PCDHAC1: variants seen among roughly 807,000 people sequenced by gnomAD.
PCDHAC1 encodes the protein protocadherin alpha subfamily C, 1, also known as protocadherin alpha-C1.
A neutral mutation model predicts 60.0 loss-of-function variants in PCDHAC1; 42 were observed. The ratio of observed to expected loss-of-function variants is 0.70; its 90% CI spans 0.55 to 0.90. The LOEUF is 0.90. Among genes scored for constraint, PCDHAC1 ranks in the 40% least tolerant of loss-of-function variants. The pLI is 0.00. For synonymous variants in PCDHAC1, 468 were observed against 499.3 expected, an observed-to-expected ratio of 0.94 and a Z score of 0.84; for missense variants, 1,160 against 1,222.3, an observed-to-expected ratio of 0.95 and a Z score of 0.76.
intron 1 of PCDHAC1, chr5:140,967,457 G>A: frequency 6.2e-7 from 1 of 1,613,614 alleles, no homozygotes; most frequent in Non-Finnish European, 8.5e-7. Context: ...CACAGCCGTG[G>A]ATGGGGGCAT....
intron 1 of PCDHAC1, among the ~76,000 whole-genome samples, chr5:140,941,191 T>TTTCTTTCTTCCTTTCTTCCTTTC (rs1487503403): frequency 1.1e-5 from 1 of 93,258 alleles, no homozygotes; most frequent in African/African-American, 3.9e-5. Flanking sequence ...GCTTCTTTTT[T>TTTCTTTCTTCCTTTCTTCCTTTC]TTTCTTTCTT....
rs762916391 is a variant in PCDHAC1, at chr5:140,927,929, C to T, written c.1037C>T (p.Ser346Leu). 13 of 1,614,090 alleles carry T rather than the reference C, an allele frequency of 8.1e-6. No homozygotes were observed. The highest frequency in any genetic ancestry group is 5.0e-5 in the Admixed American group (3 of 60,008). ...CCCGAACTGGACTTCCTGACTCTTT[C>T]GAACCCAGTACCTGAGGACGCTGCC... Reference protein sequence around the residue: ...HAPELDFLTLSNPVPEDAAPG... With the variant: ...HAPELDFLTLLNPVPEDAAPG... The change falls in exon 1 of 4, where the codon TCG becomes TTG. Residue 346 changes from serine to leucine, a missense_variant. By Grantham distance (145) the Ser-to-Leu change is moderately radical. This residue lies in a region of PCDHAC1 where 1,113 missense variants were observed against 1,163.7 expected (regional missense o/e 0.96). Transcript: ENST00000253807.
intron 2 of PCDHAC1, among the ~76,000 whole-genome samples, chr5:140,981,149 G>T (rs2096919822): frequency 6.6e-6 from 1 of 152,202 alleles, no homozygotes; most frequent in South Asian, 2.1e-4. Flanking sequence ...AGAAAACATT[G>T]AACTTATATG....
At chr5:140,991,228 T>C (rs2097439456) in intron 3 of PCDHAC1, among the ~76,000 whole-genome samples, 1 of 152,220 alleles carries the variant, frequency 6.6e-6, no homozygotes, top group African/African-American at 2.4e-5. Flanking sequence ...CATTAATAAA[T>C]GCAGTGGTAA....
Position 140,928,846 on chromosome 5 carries a change from C to T in PCDHAC1, c.1954C>T (p.Leu652=). 1 of 1,614,192 alleles carries T rather than the reference C, an allele frequency of 6.2e-7. No homozygotes were observed. Among genetic ancestry groups the T allele is most frequent in the Non-Finnish European group, 8.5e-7 (1 of 1,180,042 alleles). ...CCCACCACTTTCCTCCTCTGTCACT[C>T]TGGGTGTGCTGTTGAGCAACTCTGT... The part of the protein sequence containing the change: ...GDPPLSSSVT[L]GVLLSNSVPQ... Residue 652 remains leucine, a synonymous_variant, in exon 1 of 4, where the codon CTG becomes TTG. Coordinates refer to ENST00000253807, the MANE Select transcript of PCDHAC1 (RefSeq NM_018898.5).
intron 3 of PCDHAC1, among the ~76,000 whole-genome samples, chr5:140,996,100 G>A (rs1554255000): frequency 1.3e-5 from 2 of 152,190 alleles, no homozygotes; most frequent in Non-Finnish European, 2.9e-5. Flanking sequence ...TACATGGAAT[G>A]GTATGGAAGT....
At position 141,010,692 on chromosome 5, in the gene PCDHAC1, G is replaced by A. The variant is rs1415098319; in HGVS notation, c.*755G>A. The A allele has an allele frequency of 1.9e-5, 3 of 159,998 alleles. No homozygotes were observed. The highest frequency in any genetic ancestry group is 7.2e-5 in the African/African-American group (3 of 41,584). 9.9% of individuals were successfully genotyped at this position (159,998 alleles called of 1,614,324 possible). On this transcript the variant is annotated 3_prime_UTR_variant, in exon 4 of 4. Coordinates refer to ENST00000253807, the MANE Select transcript of PCDHAC1 (RefSeq NM_018898.5). ...TGGGAAACAGAAGCAGATCTGATGT[G>A]TTTCCTATACATGTCCTGTGCTCAC...
intron 1 of PCDHAC1, among the ~76,000 whole-genome samples, chr5:140,939,804 G>A (rs2092463605): frequency 6.6e-6 from 1 of 152,140 alleles, no homozygotes; most frequent in Non-Finnish European, 1.5e-5. Flanking sequence ...TGTTCTGCAT[G>A]TTCAAGAAAA....
At chr5:140,985,062 T>C (rs2097134097) in intron 3 of PCDHAC1, among the ~76,000 whole-genome samples, 1 of 152,058 alleles carries the variant, frequency 6.6e-6, no homozygotes, top group African/African-American at 2.4e-5. Flanking sequence ...CTCAGCCTCC[T>C]GAGTAGCTGA....
intron 1 of PCDHAC1, among the ~76,000 whole-genome samples, chr5:140,951,315 C>T (rs782114634): frequency 6.6e-6 from 1 of 151,988 alleles, no homozygotes. Context: ...ATGTGTTATT[C>T]TTGAGATTCA....
chr5:140,983,059 C>G (rs1325414567), intron 3 of PCDHAC1, among the ~76,000 whole-genome samples: 1 of 151,980 alleles, frequency 6.6e-6, no homozygotes, highest in African/African-American at 2.4e-5. Flanking sequence ...TTATCGGAAC[C>G]AAGGCATTGT....
chr5:140,966,052 C>G (rs2095962967), intron 1 of PCDHAC1, among the ~76,000 whole-genome samples: 1 of 152,158 alleles, frequency 6.6e-6, no homozygotes, highest in Admixed American at 6.5e-5. Context: ...GCCAGTAACC[C>G]CAGAGCGCCT....
intron 1 of PCDHAC1, among the ~76,000 whole-genome samples, chr5:140,954,160 A>G (rs1231258623): frequency 6.6e-6 from 1 of 152,188 alleles, no homozygotes; most frequent in Non-Finnish European, 1.5e-5. Flanking sequence ...TATATGTACC[A>G]CATTTTCTTT....
intron 1 of PCDHAC1, chr5:140,967,360 G>A: frequency 1.2e-6 from 2 of 1,607,656 alleles, no homozygotes; most frequent in South Asian, 1.1e-5. Context: ...TGGACCTTAA[G>A]CCCCTGCAGG....
intron 2 of PCDHAC1, among the ~76,000 whole-genome samples, chr5:140,980,278 GAAAAGT>G (rs1267614144): frequency 6.6e-6 from 1 of 152,166 alleles, no homozygotes; most frequent in Non-Finnish European, 1.5e-5. Context: ...ACCAACTCTT[GAAAAGT>G]ACCAAAGCTA....
intron 1 of PCDHAC1, among the ~76,000 whole-genome samples, chr5:140,936,196 G>A (rs1251323087): frequency 1.3e-5 from 2 of 152,072 alleles, no homozygotes; most frequent in African/African-American, 4.8e-5. Flanking sequence ...CCCAGCCAAA[G>A]TTGTCTTTTT....
intron 3 of PCDHAC1, among the ~76,000 whole-genome samples, chr5:141,004,899 C>A (rs898562164): frequency 4.6e-5 from 7 of 152,096 alleles, no homozygotes. Context: ...TCAGCTCTGC[C>A]AGGGTGTAAG....
At chr5:140,974,108 C>A (rs977903039) in intron 1 of PCDHAC1, among the ~76,000 whole-genome samples, 3 of 152,182 alleles carry the variant, frequency 2.0e-5, no homozygotes, top group African/African-American at 7.2e-5. Flanking sequence ...TAAAAGTATT[C>A]TTTTGCAGTG....
chr5:140,941,175 C>G (rs1344326389), intron 1 of PCDHAC1, among the ~76,000 whole-genome samples: 1 of 145,416 alleles, frequency 6.9e-6, no homozygotes, highest in Admixed American at 6.8e-5. Flanking sequence ...CCATCTTGAA[C>G]ATCCTGCTTC....
Sources: gnomAD v4.1 joint callset for allele counts (sites outside exome capture counted in the v4.1 genomes callset) on GRCh38, gnomAD v4.1.1 for gene constraint, gnomAD v4.1.1 regional missense constraint, MANE v1.5 for transcripts, NCBI Gene and HGNC (gene_info 2026-07-23, HGNC 2026-07-21) for gene names.